RABL6: variants seen among roughly 807,000 people sequenced by gnomAD.
RABL6 encodes rab-like protein 6.
RABL6 carries 28 observed loss-of-function variants against 72.9 expected under a neutral mutation model. The ratio of observed to expected loss-of-function variants is 0.38; its 90% CI spans 0.28 to 0.53. The LOEUF (loss-of-function observed/expected upper bound fraction) is 0.53, where lower values mean the gene tolerates loss of function less well. Among genes scored for constraint, RABL6 ranks in the 20% least tolerant of loss-of-function variants. The pLI is 0.80. For synonymous variants in RABL6, 477 were observed against 421.2 expected (o/e 1.13, Z -1.62); for missense variants, 1,029 against 1,008.4 (o/e 1.02, Z -0.28).
At position 136,830,078 on chromosome 9, in the gene RABL6, C is replaced by A. The variant is rs527380840; in HGVS notation, c.458+594C>A. Among the ~76,000 whole-genome samples, 11 of 152,352 alleles carry A rather than the reference C, an allele frequency of 7.2e-5. No individual in the cohort carries two copies. The East Asian group carries it at 2.1e-3, about 29-fold the overall frequency. The stretch of plus-strand genomic sequence containing the variant: ...CACAAGGCTCCTAGAAGAACGAGGG[C>A]CGCGTGAAGACCAGTGTCCTGGTGC... On this transcript the variant is annotated intron_variant, in intron 5 of 14. Transcript: ENST00000311502.
chr9:136,834,035 G>A (rs556594165), intron 7 of RABL6: 20 of 1,469,192 alleles, frequency 1.4e-5, no homozygotes, highest in East Asian at 1.0e-4. Context: ...AGCTGGAAGC[G>A]TAGGGCTGAG....
intron 1 of RABL6, chr9:136,809,733 C>T (rs1805440761): frequency 6.5e-6 from 1 of 154,352 alleles, no homozygotes; most frequent in African/African-American, 2.4e-5. Flanking sequence ...AAATTAGAGT[C>T]AGCGTGCTCA....
At chr9:136,812,998 T>A in intron 1 of RABL6, 1 of 362,110 alleles carries the variant, frequency 2.8e-6, no homozygotes, top group South Asian at 2.5e-5. Context: ...CGCGGCCTCC[T>A]TGGCGCTTTT....
chr9:136,816,540 C>A (rs1848122498), intron 1 of RABL6, among the ~76,000 whole-genome samples: 2 of 152,056 alleles, frequency 1.3e-5, no homozygotes, highest in Admixed American at 1.3e-4. Flanking sequence ...CATGGCAAAA[C>A]CCTGTCTCTA....
Position 136,837,994 on chromosome 9 carries a change from C to T in RABL6, c.1259C>T (p.Ala420Val). 6.4e-7 allele frequency: 1 copy of T among 1,567,238 alleles called. No homozygotes were observed. The highest frequency in any genetic ancestry group is 8.6e-7 in the Non-Finnish European group (1 of 1,156,836). The change falls in exon 10 of 15, where the codon GCT (alanine) becomes GTT (valine). Residue 420 changes from alanine (A) to valine (V), a missense_variant. Physicochemically the swap from Ala to Val is moderately conservative, Grantham distance 64. Around this residue, in one of 2 missense-constraint regions of RABL6, gnomAD observed 595 missense variants for 472.4 expected, o/e 1.26. Coordinates refer to ENST00000311502, the MANE Select transcript of RABL6 (RefSeq NM_024718.5). ...GACGAGAAGAAGGTGGGGGCCAAGGCTGCCCAGCAGGACAGCGACAGGTGA... is the reference window on the plus strand; with the variant it reads ...GACGAGAAGAAGGTGGGGGCCAAGGTTGCCCAGCAGGACAGCGACAGGTGA... Reference protein sequence around the residue: ...ARDEKKVGAKAAQQDSDSDGE... With the variant: ...ARDEKKVGAKVAQQDSDSDGE...
At chr9:136,811,060 C>T (rs867220595) in intron 1 of RABL6, among the ~76,000 whole-genome samples, 1 of 152,118 alleles carries the variant, frequency 6.6e-6, no homozygotes. Flanking sequence ...TCGAATGAGA[C>T]ATTGGACCAT....
chr9:136,810,821 G>T (rs1408058251), intron 1 of RABL6, among the ~76,000 whole-genome samples: 1 of 152,172 alleles, frequency 6.6e-6, no homozygotes, highest in Non-Finnish European at 1.5e-5. Context: ...GATTACAGGC[G>T]TAAGCCACCA....
At chr9:136,818,392 A>C (rs1281983361) in intron 1 of RABL6, among the ~76,000 whole-genome samples, 8 of 31,056 alleles carry the variant, frequency 2.6e-4, no homozygotes, top group South Asian at 2.9e-3. Context: ...AAAAAAAAAA[A>C]AAAAAAAAAA....
chr9:136,832,134 AG>A (rs1848489801), intron 6 of RABL6, 130 bp from the exon 7 acceptor site: 2 of 960,510 alleles, frequency 2.1e-6, no homozygotes, highest in South Asian at 3.2e-5. Flanking sequence ...AGGGCTCAGC[AG>A]GGTCCTGTGG....
At chr9:136,829,255 C>T (rs1237142670) in intron 4 of RABL6, 138 bp from the exon 5 acceptor site, 2 of 706,184 alleles carry the variant, frequency 2.8e-6, no homozygotes, top group Non-Finnish European at 4.9e-6. Flanking sequence ...TATCCCATCT[C>T]TTCAGCATAT....
Position 136,841,050 on chromosome 9 carries a change from CCT to C in RABL6, c.*532_*533del. 2 of 1,423,390 alleles carry C rather than the reference CCT, an allele frequency of 1.4e-6. No homozygotes were observed. The highest frequency in any genetic ancestry group is 1.5e-5 in the South Asian group (1 of 64,636). 88.2% of individuals were successfully genotyped at this position (1,423,390 alleles called of 1,614,324 possible). On this transcript the variant is annotated 3_prime_UTR_variant, in exon 15 of 15. Coordinates refer to ENST00000311502, the MANE Select transcript of RABL6 (RefSeq NM_024718.5). Reference sequence around the variant, plus strand: ...GCGAGACCGAAGGCAGCATGTGAGGCCTCTCCTGGGAGTGGGGGTTGTGTTTC... The same window carrying C: ...GCGAGACCGAAGGCAGCATGTGAGGCCTCCTGGGAGTGGGGGTTGTGTTTC...
Position 136,840,479 on chromosome 9 carries a change from C to CGGGCGGCCGCCACCCTGG in RABL6, c.2151_2168dup (p.Arg719_Gly724dup). 2.6e-6 allele frequency: 4 copies of CGGGCGGCCGCCACCCTGG among 1,526,824 alleles called. No individual in the cohort carries two copies. Among genetic ancestry groups the CGGGCGGCCGCCACCCTGG allele is most frequent in the African/African-American group, 1.4e-5 (1 of 71,578 alleles). 94.6% of individuals were successfully genotyped at this position (1,526,824 alleles called of 1,614,324 possible). On this transcript the variant is annotated inframe_insertion, in exon 15 of 15. Coordinates refer to ENST00000311502, the MANE Select transcript of RABL6 (RefSeq NM_024718.5). ...GAGGCTTTCCTGGGGGGCGGGGCCC[C>CGGGCGGCCGCCACCCTGG]GGGCGGCCGCCACCCTGGGGGTGGC...
intron 1 of RABL6, 71 bp downstream of exon 1, chr9:136,808,397 C>T (rs1376048750): frequency 2.9e-6 from 4 of 1,367,334 alleles, no homozygotes; most frequent in Non-Finnish European, 3.8e-6. Flanking sequence ...GGGCGCCGCG[C>T]GGTGGTGGGT....
At chr9:136,835,101 T>A (rs1848561398) in intron 7 of RABL6, 1 of 151,938 alleles carries the variant, frequency 6.6e-6, no homozygotes, top group South Asian at 2.1e-4. Flanking sequence ...CCATCTCTAT[T>A]TAAAAAAAGA....
At position 136,835,843 on chromosome 9, in the gene RABL6, C is replaced by T; in HGVS notation, c.807C>T (p.Gly269=). 1 of 1,552,982 alleles carries T rather than the reference C, an allele frequency of 6.4e-7. No homozygotes were observed. The highest frequency in any genetic ancestry group is 8.7e-7 in the Non-Finnish European group (1 of 1,149,366). ...VQQETEDQNY[G]IFLEMMEARS... is the part of the protein sequence containing the mutation. The stretch of plus-strand genomic sequence containing the variant: ...AGGAGACGGAGGACCAGAACTACGG[C>T]ATGTATGTGGCCGGACCCGCCCGTG... Residue 269 remains glycine (G), a splice_region_variant and synonymous_variant, in exon 8 of 15, where the codon GGC becomes GGT. Coordinates refer to ENST00000311502, the MANE Select transcript of RABL6 (RefSeq NM_024718.5).
intron 8 of RABL6, 180 bp downstream of exon 8, chr9:136,836,025 C>A (rs112403278): frequency 5.0e-6 from 3 of 602,704 alleles, no homozygotes; most frequent in Admixed American, 5.8e-5. Flanking sequence ...GCAGCCCCCC[C>A]ACAGTCACCC....
intron 4 of RABL6, 72 bp downstream of exon 4, chr9:136,828,618 C>T: frequency 6.5e-7 from 1 of 1,529,340 alleles, no homozygotes; most frequent in Non-Finnish European, 9.0e-7. Flanking sequence ...CCCAGCGCTT[C>T]ACACGCTTTT....
Position 136,832,383 on chromosome 9 carries a change from C to T in RABL6, c.705+13C>T. ...TTTGCAGCTTCAGGTAAGCACTCACCACGTGGGGTGGAGTGGCTGCTGGTC... is the reference window on the plus strand; with the variant it reads ...TTTGCAGCTTCAGGTAAGCACTCACTACGTGGGGTGGAGTGGCTGCTGGTC... On this transcript the variant is annotated intron_variant, in intron 7 of 14. Transcript: ENST00000311502. 1 of 1,590,556 alleles carries T rather than the reference C, an allele frequency of 6.3e-7. No individual in the cohort carries two copies. Among genetic ancestry groups the T allele is most frequent in the Non-Finnish European group, 8.6e-7 (1 of 1,158,714 alleles).
intron 1 of RABL6, among the ~76,000 whole-genome samples, chr9:136,811,795 T>G (rs936694665): frequency 6.6e-6 from 1 of 151,876 alleles, no homozygotes; most frequent in African/African-American, 2.4e-5. Context: ...CCTGGCCAGA[T>G]TATGTTTCTT....
Sources: allele counts gnomAD v4.1 joint callset (sites outside exome capture counted in the v4.1 genomes callset), GRCh38; gene constraint gnomAD v4.1.1; regional missense constraint gnomAD v4.1.1; transcripts MANE v1.5; gene names NCBI Gene and HGNC (gene_info 2026-07-23, HGNC 2026-07-21).